The following NRG3 variants were observed in gnomAD, a reference collection of about 807,000 sequenced individuals.
The protein encoded by NRG3 is pro-neuregulin-3, membrane-bound isoform.
In NRG3, 31 loss-of-function variants were observed where a neutral mutation model predicts 66.9. The observed-to-expected ratio is 0.46, with a 90% CI of 0.35 to 0.63. NRG3 has a LOEUF of 0.63. Among genes scored for constraint, NRG3 ranks in the 20% least tolerant of loss-of-function variants. NRG3 has a pLI of 0.00. For missense variants in NRG3, 910 were observed against 878.9 expected, an observed-to-expected ratio of 1.04 and a Z score of -0.45; for synonymous variants, 393 against 359.4, an observed-to-expected ratio of 1.09 and a Z score of -1.06.
intron 2 of NRG3, among the ~76,000 whole-genome samples, chr10:82,641,272 CT>C (rs2050561724): frequency 1.3e-5 from 2 of 151,984 alleles, no homozygotes; most frequent in Admixed American, 6.6e-5. Flanking sequence ...ATTTTAGAAA[CT>C]TTTTTGTCAG....
chr10:82,866,137 G>A (rs975230555), intron 4 of NRG3, among the ~76,000 whole-genome samples: 4 of 152,056 alleles, frequency 2.6e-5, no homozygotes, highest in African/African-American at 7.2e-5. Context: ...AATATGCATC[G>A]TAGTACATGG....
chr10:82,857,986 C>T (rs1205028742), intron 3 of NRG3, among the ~76,000 whole-genome samples: 7 of 152,116 alleles, frequency 4.6e-5, no homozygotes, highest in Admixed American at 6.5e-5. Flanking sequence ...TTTTCTGCCT[C>T]GCTCACCAGG....
At chr10:82,894,737 T>A (rs916161703) in intron 4 of NRG3, among the ~76,000 whole-genome samples, 12 of 151,596 alleles carry the variant, frequency 7.9e-5, no homozygotes, top group African/African-American at 2.9e-4. Flanking sequence ...CTACAATAAT[T>A]TTTTTTTTAA....
intron 1 of NRG3, among the ~76,000 whole-genome samples, chr10:81,908,072 C>T (rs1023836129): frequency 3.9e-4 from 59 of 152,270 alleles, no homozygotes; most frequent in Middle Eastern, 3.4e-3. Context: ...TCTGCGCTCT[C>T]ATAATTCCAA....
chr10:82,874,434 T>TG (rs1478353216), intron 4 of NRG3, among the ~76,000 whole-genome samples: 6 of 105,594 alleles, frequency 5.7e-5, no homozygotes, highest in South Asian at 3.2e-4. Context: ...TAGACTTATT[T>TG]GGAAAAAAAA....
chr10:82,028,433 C>T (rs1667716502), intron 1 of NRG3, among the ~76,000 whole-genome samples: 1 of 152,032 alleles, frequency 6.6e-6, no homozygotes, highest in South Asian at 2.1e-4. Flanking sequence ...AATATATAAA[C>T]TTAAAGTTCT....
intron 1 of NRG3, among the ~76,000 whole-genome samples, chr10:82,172,782 C>G (rs1471199492): frequency 6.6e-6 from 1 of 152,040 alleles, no homozygotes; most frequent in Non-Finnish European, 1.5e-5. Context: ...CCGCTTGACC[C>G]ATAATGTAAT....
intron 4 of NRG3, among the ~76,000 whole-genome samples, chr10:82,907,197 T>G (rs7079963): frequency 0.3 from 45,221 of 152,026 alleles, 7,053 homozygotes; most frequent in East Asian, 0.53. Context: ...TTTGCTGTCT[T>G]CACTGAGTTT....
intron 2 of NRG3, among the ~76,000 whole-genome samples, chr10:82,451,185 T>C (rs761881019): frequency 1.2e-4 from 18 of 152,152 alleles, no homozygotes; most frequent in Non-Finnish European, 2.4e-4. Context: ...TTTTTCCCAT[T>C]TTATAATTAG....
chr10:82,249,499 T>C (rs1384270960), intron 1 of NRG3, among the ~76,000 whole-genome samples: 1 of 152,192 alleles, frequency 6.6e-6, no homozygotes, highest in Non-Finnish European at 1.5e-5. Flanking sequence ...TGGCTCATAG[T>C]AGCAGATACT....
chr10:82,023,153 T>C (rs1378039241), intron 1 of NRG3, among the ~76,000 whole-genome samples: 1 of 152,004 alleles, frequency 6.6e-6, no homozygotes, highest in Non-Finnish European at 1.5e-5. Context: ...TTGATTTCTT[T>C]TAGAGATTCT....
intron 2 of NRG3, among the ~76,000 whole-genome samples, chr10:82,561,179 AG>A (rs2045017844): frequency 1.3e-5 from 2 of 152,224 alleles, no homozygotes; most frequent in Admixed American, 6.5e-5. Flanking sequence ...ACTTAGGAAA[AG>A]GAAGTATGTT....
chr10:82,479,461 G>C (rs1188470569), intron 2 of NRG3, among the ~76,000 whole-genome samples: 2 of 150,546 alleles, frequency 1.3e-5, no homozygotes, highest in Non-Finnish European at 3.0e-5. Context: ...CACCTTGGGA[G>C]ACAGAGGTGG....
intron 2 of NRG3, among the ~76,000 whole-genome samples, chr10:82,359,680 T>C (rs1294136573): frequency 2.0e-5 from 3 of 152,196 alleles, no homozygotes; most frequent in South Asian, 2.1e-4. Flanking sequence ...TTCTTTGCAA[T>C]TGTGTATGCA....
chr10:82,707,669 C>G (rs983975654), intron 2 of NRG3, among the ~76,000 whole-genome samples: 1 of 151,468 alleles, frequency 6.6e-6, no homozygotes, highest in African/African-American at 2.4e-5. Flanking sequence ...GCTGGGATTA[C>G]AGGTGTGAGC....
At chr10:82,710,550 C>T (rs969689854) in intron 2 of NRG3, among the ~76,000 whole-genome samples, 132 of 123,320 alleles carry the variant, frequency 1.1e-3, no homozygotes, top group African/African-American at 3.7e-3. Context: ...CGCACGACTG[C>T]ACTCCAGCCT....
At chr10:82,294,517 C>T (rs1271694794) in intron 1 of NRG3, among the ~76,000 whole-genome samples, 1 of 151,928 alleles carries the variant, frequency 6.6e-6, no homozygotes, top group Non-Finnish European at 1.5e-5. Flanking sequence ...TGCCACCTGC[C>T]ACCTCCGTAT....
At chr10:81,998,267 T>C (rs2061021974) in intron 1 of NRG3, among the ~76,000 whole-genome samples, 1 of 152,254 alleles carries the variant, frequency 6.6e-6, no homozygotes, top group Admixed American at 6.5e-5. Flanking sequence ...AGAGTTGAGC[T>C]GGTTAGCATT....
Position 81,911,268 on chromosome 10 carries a change from A to G in NRG3, c.823+35105A>G, listed in dbSNP as rs11191765. 5.3e-4 allele frequency among the ~76,000 whole-genome samples: 81 copies of G among 152,282 alleles called. 1 individual carries two copies. In the East Asian group the frequency reaches 0.013, roughly 24 times the overall value. On this transcript the variant is annotated intron_variant, in intron 1 of 8. Transcript: ENST00000372141. Reference sequence around the variant, plus strand: ...GAATTCATTTATTTTTGGGCAAATAATGGGTTTTTAAAATGGGATTTTCAG... The same window carrying G: ...GAATTCATTTATTTTTGGGCAAATAGTGGGTTTTTAAAATGGGATTTTCAG...
Sources: gnomAD v4.1 joint callset for allele counts (sites outside exome capture counted in the v4.1 genomes callset) on GRCh38, gnomAD v4.1.1 for gene constraint, MANE v1.5 for transcripts, NCBI Gene and HGNC (gene_info 2026-07-23, HGNC 2026-07-21) for gene names.